Variants in P2RY14 observed in about 807,000 individuals in gnomAD.
P2RY14 encodes the protein P2Y purinoceptor 14.
A neutral mutation model predicts 0.9 loss-of-function variants in P2RY14; 2 were observed. The ratio of observed to expected loss-of-function variants is 2.16; its 90% CI spans 0.88 to 6.79. The LOEUF is 6.79. Ranked by LOEUF, P2RY14 falls within the 30% of genes most tolerant of loss-of-function variation. The pLI, the probability that P2RY14 is intolerant of heterozygous loss-of-function variation, is 0.05. For synonymous variants in P2RY14, 158 were observed against 147.2 expected, an observed-to-expected ratio of 1.07 and a Z score of -0.53; for missense variants, 378 against 400.1, an observed-to-expected ratio of 0.94 and a Z score of 0.47.
At chr3:151,266,804 A>C (rs1410856564) in intron 1 of P2RY14, among the ~76,000 whole-genome samples, 1 of 152,212 alleles carries the variant, frequency 6.6e-6, no homozygotes, top group Non-Finnish European at 1.5e-5. Context: ...AGAGCAAAAA[A>C]GTGCTGTAGA....
intron 2 of P2RY14, among the ~76,000 whole-genome samples, chr3:151,217,335 G>T (rs1422215909): frequency 6.6e-6 from 1 of 152,150 alleles, no homozygotes; most frequent in Admixed American, 6.5e-5. Context: ...TTCTGCATGT[G>T]ACCTAATGCT....
At chr3:151,243,270 AC>A (rs1379970484) in intron 1 of P2RY14, among the ~76,000 whole-genome samples, 2 of 151,816 alleles carry the variant, frequency 1.3e-5, no homozygotes, top group South Asian at 2.1e-4. Context: ...AGAGAACGCC[AC>A]AAAGATACTC....
At position 151,250,113 on chromosome 3, in the gene P2RY14, G is replaced by A. The variant is rs183449844; in HGVS notation, c.-133+28174C>T. ...TCCAAACTTGTTGGAAATGGTCTGCGTTTGCTGTCTCCACTTTCCCATTCA... is the reference window on the plus strand; with the variant it reads ...TCCAAACTTGTTGGAAATGGTCTGCATTTGCTGTCTCCACTTTCCCATTCA... On this transcript the variant is annotated intron_variant, in intron 1 of 2. Coordinates refer to ENST00000309170, the MANE Select transcript of P2RY14 (RefSeq NM_014879.4). Among the ~76,000 whole-genome samples, 15 of 152,190 alleles carry A rather than the reference G, an allele frequency of 9.9e-5. No homozygotes were observed. The East Asian group carries it at 2.7e-3, about 27-fold the overall frequency.
At chr3:151,221,562 G>T (rs888523617) in intron 1 of P2RY14, among the ~76,000 whole-genome samples, 1 of 152,206 alleles carries the variant, frequency 6.6e-6, no homozygotes, top group Non-Finnish European at 1.5e-5. Flanking sequence ...TAGTGTGGCT[G>T]AAAGGGGCCC....
chr3:151,242,118 G>T (rs6797679), intron 1 of P2RY14, among the ~76,000 whole-genome samples: 4,880 of 152,262 alleles, frequency 0.032, 264 homozygotes, highest in African/African-American at 0.11. Context: ...GGCTCGGAGG[G>T]TCCTACGCCC....
chr3:151,256,166 A>T (rs1325909104), intron 1 of P2RY14, among the ~76,000 whole-genome samples: 2 of 152,236 alleles, frequency 1.3e-5, no homozygotes, highest in Non-Finnish European at 2.9e-5. Context: ...CACTGTGGTT[A>T]TAGGAAGGCT....
chr3:151,261,635 C>T (rs1488845225), intron 1 of P2RY14, among the ~76,000 whole-genome samples: 3 of 152,134 alleles, frequency 2.0e-5, no homozygotes, highest in Non-Finnish European at 2.9e-5. Flanking sequence ...GACTCCCAGA[C>T]ACCTCCATTC....
chr3:151,218,510 A>T (rs1198931864), intron 2 of P2RY14, among the ~76,000 whole-genome samples: 1 of 152,220 alleles, frequency 6.6e-6, no homozygotes, highest in Non-Finnish European at 1.5e-5. Context: ...GAATATAAAC[A>T]ATGCTTCCTA....
intron 1 of P2RY14, among the ~76,000 whole-genome samples, chr3:151,219,937 A>G (rs1244469700): frequency 1.5e-5 from 2 of 132,442 alleles, no homozygotes; most frequent in African/African-American, 2.8e-5. Context: ...AATTTATCAA[A>G]TGACTGAATA....
intron 2 of P2RY14, among the ~76,000 whole-genome samples, chr3:151,215,778 A>G (rs1728097318): frequency 6.6e-6 from 1 of 152,150 alleles, no homozygotes; most frequent in Admixed American, 6.5e-5. Flanking sequence ...CTAAGTCTGT[A>G]ATGTTGAAGT....
At chr3:151,267,407 C>T (rs1740045277) in intron 1 of P2RY14, among the ~76,000 whole-genome samples, 1 of 152,068 alleles carries the variant, frequency 6.6e-6, no homozygotes, top group South Asian at 2.1e-4. Flanking sequence ...TAGAAAGAAA[C>T]AATATCAAGG....
chr3:151,277,343 T>C (rs188502111), intron 1 of P2RY14, among the ~76,000 whole-genome samples: 24 of 152,346 alleles, frequency 1.6e-4, no homozygotes, highest in Non-Finnish European at 3.4e-4. Context: ...ATTCATTGCA[T>C]GTTTACAAAT....
At chr3:151,249,206 G>A (rs1040257371) in intron 1 of P2RY14, 3 of 152,120 alleles carry the variant, frequency 2.0e-5, no homozygotes, top group Admixed American at 6.5e-5. Flanking sequence ...CTGTGAAAAG[G>A]GAGACTGAGC....
intron 1 of P2RY14, among the ~76,000 whole-genome samples, chr3:151,247,665 G>A (rs1735906119): frequency 6.9e-6 from 1 of 145,672 alleles, no homozygotes; most frequent in African/African-American, 2.5e-5. Context: ...AATGCTAGAT[G>A]ACGAGTTAGT....
At position 151,213,998 on chromosome 3, in the gene P2RY14, C is replaced by T. The variant is rs777331242; in HGVS notation, c.319G>A (p.Val107Ile). The change falls in exon 3 of 3, where the codon GTC becomes ATC. Residue 107 changes from valine (V) to isoleucine (I), a missense_variant. By Grantham distance (29) the Val-to-Ile change is conservative. Coordinates refer to ENST00000309170, the MANE Select transcript of P2RY14 (RefSeq NM_014879.4). ...ATGAGCCCAAAGAACACAATGCTGACGTACATGTTGACGTAGAAGAGCACG... is the reference window on the plus strand; with the variant it reads ...ATGAGCCCAAAGAACACAATGCTGATGTACATGTTGACGTAGAAGAGCACG... ...SAVLFYVNMY[V>I]SIVFFGLISF... 10 of 1,613,916 alleles carry T rather than the reference C, an allele frequency of 6.2e-6. No homozygotes were observed. The highest frequency in any genetic ancestry group is 2.7e-5 in the African/African-American group (2 of 74,894).
intron 1 of P2RY14, chr3:151,269,398 C>CAT (rs1491133140): frequency 0.054 from 120 of 2,210 alleles, no homozygotes; most frequent in African/African-American, 0.13. Flanking sequence ...GAAACTCCAT[C>CAT]ACACACACAC....
At chr3:151,262,928 C>G (rs60347134) in intron 1 of P2RY14, among the ~76,000 whole-genome samples, 1 of 152,218 alleles carries the variant, frequency 6.6e-6, no homozygotes, top group South Asian at 2.1e-4. Flanking sequence ...CCTGAAGACA[C>G]GTAGCTGGTA....
intron 1 of P2RY14, among the ~76,000 whole-genome samples, chr3:151,220,376 G>A (rs112093202): frequency 2.6e-5 from 4 of 152,162 alleles, no homozygotes; most frequent in African/African-American, 9.6e-5. Context: ...AAACCAGTGA[G>A]TGCTCCCTAA....
chr3:151,241,668 CAT>C (rs992296804), intron 1 of P2RY14: 4 of 152,196 alleles, frequency 2.6e-5, no homozygotes, highest in African/African-American at 7.2e-5. Context: ...TATATACACA[CAT>C]ATATACACAT....
Sources: allele counts gnomAD v4.1 joint callset (sites outside exome capture counted in the v4.1 genomes callset), GRCh38; gene constraint gnomAD v4.1.1; transcripts MANE v1.5; gene names NCBI Gene and HGNC (gene_info 2026-07-23, HGNC 2026-07-21).